R3HDM2: variants seen among roughly 807,000 people sequenced by gnomAD.
R3HDM2 encodes R3H domain containing 2.
A neutral mutation model predicts 124.5 loss-of-function variants in R3HDM2; 38 were observed. The observed-to-expected ratio is 0.31, with a 90% confidence interval of 0.24 to 0.40. The LOEUF (loss-of-function observed/expected upper bound fraction) is 0.40. Ranked by LOEUF, R3HDM2 falls within the 10% of genes least tolerant of loss-of-function variation. The pLI is 1.00. For missense variants in R3HDM2, 869 were observed against 1,236.9 expected (o/e 0.70, Z 4.46); for synonymous variants, 391 against 448.0 (o/e 0.87, Z 1.61).
rs556462467 is a variant in R3HDM2, at chr12:57,383,163, T to A, written c.-36+12586A>T. Among the ~76,000 whole-genome samples the A allele has an allele frequency of 5.3e-5, 8 of 151,626 alleles. No individual in the cohort carries two copies. In the South Asian group the frequency reaches 8.4e-4, roughly 16 times the overall value. On this transcript the variant is annotated intron_variant, in intron 2 of 23. Coordinates refer to ENST00000402412, the MANE Select transcript of R3HDM2 (RefSeq NM_001394031.1). ...AGCCACAGCGCCCAGCCAAAAAAAA[T>A]TTTTTTATTAGCCGAATGTGGTGGT...
intron 14 of R3HDM2, among the ~76,000 whole-genome samples, chr12:57,279,324 A>G (rs960373841): frequency 2.6e-5 from 4 of 151,092 alleles, no homozygotes; most frequent in Non-Finnish European, 5.9e-5. Flanking sequence ...CTGGGATTAC[A>G]GGCACCCGCC....
intron 1 of R3HDM2, among the ~76,000 whole-genome samples, chr12:57,429,661 C>T (rs1869167269): frequency 1.3e-5 from 2 of 148,874 alleles, no homozygotes; most frequent in Admixed American, 1.4e-4. Flanking sequence ...TGCATTGAGC[C>T]GAAAAGGAAC....
At chr12:57,398,771 G>A (rs1381512866) in intron 1 of R3HDM2, among the ~76,000 whole-genome samples, 2 of 152,132 alleles carry the variant, frequency 1.3e-5, no homozygotes, top group African/African-American at 2.4e-5. Context: ...TTAGAGGCGT[G>A]AGCCACCGCA....
At position 57,379,308 on chromosome 12, in the gene R3HDM2, C is replaced by A. The variant is rs141291532; in HGVS notation, c.-36+16441G>T. Among the ~76,000 whole-genome samples the A allele has an allele frequency of 7.2e-5, 11 of 152,208 alleles. No individual in the cohort carries two copies. In the East Asian group the frequency reaches 1.9e-3, roughly 27 times the overall value. On this transcript the variant is annotated intron_variant, in intron 2 of 23. Coordinates refer to ENST00000402412, the MANE Select transcript of R3HDM2 (RefSeq NM_001394031.1). ...AAAAATTGGAAAATGAGGCCAGATGCGGTAGCTCATGCCTGTAATCCCAGC... is the reference window on the plus strand; with the variant it reads ...AAAAATTGGAAAATGAGGCCAGATGAGGTAGCTCATGCCTGTAATCCCAGC...
intron 2 of R3HDM2, among the ~76,000 whole-genome samples, chr12:57,349,379 C>CAAAAAAAAAAAAAAAAAAAAAAAAAAAAA (rs1161831845): frequency 1.7e-5 from 1 of 57,776 alleles, no homozygotes; most frequent in African/African-American, 9.3e-5. Flanking sequence ...ACTCCGTCTC[C>CAAAAAAAAAAAAAAAAAAAAAAAAAAAAA]AAAAAAAAAA....
At chr12:57,368,777 G>A (rs512223) in intron 2 of R3HDM2, among the ~76,000 whole-genome samples, 66,104 of 151,948 alleles carry the variant, frequency 0.44, 15,135 homozygotes, top group South Asian at 0.52. Flanking sequence ...ATTTTAGTCT[G>A]TCTCCCTTCA....
intron 2 of R3HDM2, among the ~76,000 whole-genome samples, chr12:57,316,427 G>A (rs1212817194): frequency 6.6e-6 from 1 of 151,932 alleles, no homozygotes; most frequent in Non-Finnish European, 1.5e-5. Flanking sequence ...GAATGGAAAA[G>A]GTTTCCTATT....
At chr12:57,272,742 A>T (rs1242709811) in intron 14 of R3HDM2, among the ~76,000 whole-genome samples, 3 of 152,154 alleles carry the variant, frequency 2.0e-5, no homozygotes, top group African/African-American at 7.2e-5. Context: ...CAAGCCCGGG[A>T]CAGCTTGAAG....
intron 2 of R3HDM2, among the ~76,000 whole-genome samples, chr12:57,382,978 G>A (rs1189481929): frequency 6.6e-6 from 1 of 151,930 alleles, no homozygotes; most frequent in Non-Finnish European, 1.5e-5. Flanking sequence ...CTGCCTCCCG[G>A]GTTCAAGCAA....
At chr12:57,429,394 C>A (rs1869020995) in intron 1 of R3HDM2, among the ~76,000 whole-genome samples, 1 of 152,230 alleles carries the variant, frequency 6.6e-6, no homozygotes, top group African/African-American at 2.4e-5. Flanking sequence ...CAACTAAAAA[C>A]TGAACTGAAT....
At chr12:57,335,352 C>T (rs1160904137) in intron 2 of R3HDM2, among the ~76,000 whole-genome samples, 6 of 151,722 alleles carry the variant, frequency 4.0e-5, no homozygotes, top group South Asian at 2.1e-4. Context: ...GGACTACAGA[C>T]GCCTGCCACC....
chr12:57,358,256 G>C (rs1301205310), intron 2 of R3HDM2, among the ~76,000 whole-genome samples: 4 of 152,014 alleles, frequency 2.6e-5, no homozygotes, highest in African/African-American at 9.7e-5. Context: ...CAAAGTGCTG[G>C]GGTTACAGGC....
intron 2 of R3HDM2, among the ~76,000 whole-genome samples, chr12:57,343,211 A>G: frequency 7.6e-6 from 1 of 132,376 alleles, no homozygotes; most frequent in African/African-American, 2.9e-5. Flanking sequence ...TTTTTTTGAG[A>G]CGGAGTTTCA....
chr12:57,258,591 C>T (rs1055625596), intron 20 of R3HDM2, among the ~76,000 whole-genome samples: 5 of 152,124 alleles, frequency 3.3e-5, no homozygotes, highest in African/African-American at 1.2e-4. Context: ...CCGCCTTGTC[C>T]TCCCAAAGTG....
intron 14 of R3HDM2, among the ~76,000 whole-genome samples, chr12:57,279,980 G>A (rs2045767296): frequency 1.3e-5 from 2 of 152,240 alleles, no homozygotes; most frequent in South Asian, 2.1e-4. Context: ...GTCAGATGAT[G>A]GTGGAAGTTA....
chr12:57,376,650 A>G (rs2064106532), intron 2 of R3HDM2, among the ~76,000 whole-genome samples: 1 of 152,132 alleles, frequency 6.6e-6, no homozygotes, highest in Admixed American at 6.6e-5. Flanking sequence ...TATAACTACT[A>G]AATATTTAGA....
intron 5 of R3HDM2, among the ~76,000 whole-genome samples, chr12:57,299,731 A>G (rs915471314): frequency 3.9e-5 from 6 of 152,202 alleles, no homozygotes; most frequent in African/African-American, 7.2e-5. Context: ...TTGAATGGGA[A>G]TGGTTCTAAC....
At chr12:57,268,784 G>T in intron 17 of R3HDM2, 138 bp downstream of exon 17, 1 of 1,164,446 alleles carries the variant, frequency 8.6e-7, no homozygotes, top group Non-Finnish European at 1.2e-6. Flanking sequence ...TTCCGTTATA[G>T]GAAAAAAACC....
At chr12:57,418,368 A>T in intron 1 of R3HDM2, 2 of 984,666 alleles carry the variant, frequency 2.0e-6, no homozygotes, top group Non-Finnish European at 2.4e-6. Context: ...TGCCTTCAGC[A>T]GAGCAACTGG....
Sources: allele counts gnomAD v4.1 joint callset (sites outside exome capture counted in the v4.1 genomes callset), GRCh38; gene constraint gnomAD v4.1.1; transcripts MANE v1.5; gene names NCBI Gene and HGNC (gene_info 2026-07-23, HGNC 2026-07-21).